Variants in TMCC1 observed in about 807,000 individuals in gnomAD.
TMCC1 encodes the protein transmembrane and coiled-coil domain family 1.
In TMCC1, 15 loss-of-function variants were observed where a neutral mutation model predicts 52.4. The ratio of observed to expected loss-of-function variants is 0.29; its 90% CI spans 0.19 to 0.44. TMCC1 has a LOEUF of 0.44. Among genes scored for constraint, TMCC1 ranks in the 20% least tolerant of loss-of-function variants. TMCC1 has a pLI of 1.00. For synonymous variants in TMCC1, 279 were observed against 301.9 expected, an observed-to-expected ratio of 0.92 and a Z score of 0.79; for missense variants, 503 against 806.0, an observed-to-expected ratio of 0.62 and a Z score of 4.55.
intron 2 of TMCC1, among the ~76,000 whole-genome samples, chr3:129,874,674 T>G (rs1022770050): frequency 6.6e-6 from 1 of 152,022 alleles, no homozygotes; most frequent in South Asian, 2.1e-4. Context: ...CTGGGCAACA[T>G]AGCAAGACCC....
At chr3:129,831,759 A>G (rs571083759) in intron 3 of TMCC1, among the ~76,000 whole-genome samples, 1 of 152,338 alleles carries the variant, frequency 6.6e-6, no homozygotes, top group South Asian at 2.1e-4. Context: ...CAATAGTCTC[A>G]AAGTTGTACA....
chr3:129,804,809 A>G (rs965505294), intron 4 of TMCC1, among the ~76,000 whole-genome samples: 3 of 152,182 alleles, frequency 2.0e-5, no homozygotes, highest in African/African-American at 4.8e-5. Context: ...GTTGTACTCA[A>G]TGGGGACCTC....
intron 2 of TMCC1, among the ~76,000 whole-genome samples, chr3:129,860,037 AAAG>A (rs1487186009): frequency 1.3e-5 from 2 of 152,246 alleles, no homozygotes; most frequent in Non-Finnish European, 2.9e-5. Context: ...GACATAAAGC[AAAG>A]AAGAAAATAA....
chr3:129,787,613 A>G (rs1271185091), intron 4 of TMCC1, among the ~76,000 whole-genome samples: 4 of 152,220 alleles, frequency 2.6e-5, no homozygotes, highest in Admixed American at 2.6e-4. Context: ...AATATTTCAC[A>G]TTATTATTAC....
At chr3:129,683,949 T>C (rs2089211347) in intron 4 of TMCC1, among the ~76,000 whole-genome samples, 1 of 152,204 alleles carries the variant, frequency 6.6e-6, no homozygotes, top group South Asian at 2.1e-4. Flanking sequence ...TGTACTTAAT[T>C]TTGAGAACAC....
chr3:129,823,475 A>T (rs964435803), intron 4 of TMCC1, among the ~76,000 whole-genome samples: 3 of 152,196 alleles, frequency 2.0e-5, no homozygotes, highest in Admixed American at 1.3e-4. Flanking sequence ...GTTCAAAAAT[A>T]AAATCTAGCC....
At chr3:129,845,116 C>T (rs558329516) in intron 2 of TMCC1, among the ~76,000 whole-genome samples, 2 of 151,646 alleles carry the variant, frequency 1.3e-5, no homozygotes, top group Admixed American at 6.6e-5. Context: ...AGATCCCAGG[C>T]GATGGAAGCT....
intron 4 of TMCC1, among the ~76,000 whole-genome samples, chr3:129,696,397 G>C (rs1046541745): frequency 1.3e-5 from 2 of 152,178 alleles, no homozygotes; most frequent in Non-Finnish European, 2.9e-5. Context: ...AAATGTATTT[G>C]ATTGATGTCT....
At chr3:129,867,035 G>A (rs941792437) in intron 2 of TMCC1, 2 of 151,174 alleles carry the variant, frequency 1.3e-5, no homozygotes, top group African/African-American at 2.4e-5. Context: ...CCAAGATTAC[G>A]ACATCATGAT....
chr3:129,863,723 G>A (rs573912162), intron 2 of TMCC1, among the ~76,000 whole-genome samples: 2 of 152,146 alleles, frequency 1.3e-5, no homozygotes, highest in South Asian at 2.1e-4. Flanking sequence ...TTAGCCAGGC[G>A]TGGTGGCGCG....
intron 1 of TMCC1, among the ~76,000 whole-genome samples, chr3:129,884,686 T>C (rs2061610019): frequency 6.6e-6 from 1 of 152,186 alleles, no homozygotes; most frequent in Non-Finnish European, 1.5e-5. Flanking sequence ...TAAAACCTCC[T>C]TGTTTCCAGC....
chr3:129,662,391 C>CA (rs1203715655), intron 5 of TMCC1, among the ~76,000 whole-genome samples: 1 of 152,108 alleles, frequency 6.6e-6, no homozygotes, highest in African/African-American at 2.4e-5. Context: ...AGCTGTACAG[C>CA]AAGTTACTGT....
chr3:129,886,220 C>T (rs554485325), intron 1 of TMCC1, among the ~76,000 whole-genome samples: 1 of 152,240 alleles, frequency 6.6e-6, no homozygotes, highest in Non-Finnish European at 1.5e-5. Context: ...CCTACTGTTA[C>T]CCTATCTGGA....
intron 3 of TMCC1, among the ~76,000 whole-genome samples, chr3:129,829,392 G>C (rs1433333502): frequency 9.4e-6 from 1 of 106,080 alleles, no homozygotes; most frequent in Non-Finnish European, 1.8e-5. Flanking sequence ...GAAATTAAAA[G>C]GAAGCTGAAA....
chr3:129,761,421 T>A (rs1357177962), intron 4 of TMCC1, among the ~76,000 whole-genome samples: 2 of 150,840 alleles, frequency 1.3e-5, no homozygotes, highest in South Asian at 4.2e-4. Context: ...GATTTTTTTC[T>A]CCCCTCACAC....
intron 4 of TMCC1, among the ~76,000 whole-genome samples, chr3:129,721,745 A>G (rs2049615217): frequency 1.3e-5 from 2 of 150,452 alleles, no homozygotes; most frequent in African/African-American, 4.9e-5. Flanking sequence ...GCGTGGTGGC[A>G]GGCACCTGTA....
chr3:129,839,402 G>T (rs917059751), intron 2 of TMCC1, among the ~76,000 whole-genome samples: 1 of 151,626 alleles, frequency 6.6e-6, no homozygotes, highest in Non-Finnish European at 1.5e-5. Context: ...CCTTTTTAAA[G>T]AAATCTAAGT....
intron 1 of TMCC1, among the ~76,000 whole-genome samples, chr3:129,887,995 G>A (rs2061796715): frequency 6.6e-6 from 1 of 152,204 alleles, no homozygotes. Flanking sequence ...AAGTAAGTAG[G>A]GAAAGCTGCT....
Position 129,816,771 on chromosome 3 carries a change from C to T in TMCC1, c.576+11032G>A, listed in dbSNP as rs372576782. 1.3e-4 allele frequency among the ~76,000 whole-genome samples: 20 copies of T among 152,240 alleles called. No individual in the cohort carries two copies. In the East Asian group the frequency reaches 2.9e-3, roughly 22 times the overall value. On this transcript the variant is annotated intron_variant, in intron 4 of 6. Transcript: ENST00000393238. The stretch of plus-strand genomic sequence containing the variant: ...AGGCATAATGGCTCATGCTTGTAAT[C>T]CTAACACTTTAGGAGGCTGAGATGG...
Sources: allele counts gnomAD v4.1 joint callset (sites outside exome capture counted in the v4.1 genomes callset), GRCh38; gene constraint gnomAD v4.1.1; transcripts MANE v1.5; gene names NCBI Gene and HGNC (gene_info 2026-07-23, HGNC 2026-07-21).